THSD4: variants seen among roughly 807,000 people sequenced by gnomAD.
THSD4 encodes thrombospondin type-1 domain-containing protein 4.
In THSD4, 69 loss-of-function variants were observed where a neutral mutation model predicts 119.0. The ratio of observed to expected loss-of-function variants is 0.58; its 90% CI spans 0.48 to 0.71. The LOEUF is 0.71. THSD4 is among the 30% of genes least tolerant of loss of function. THSD4 has a pLI of 0.00. For missense variants in THSD4, 1,393 were observed against 1,391.1 expected, an observed-to-expected ratio of 1.00 and a Z score of -0.02; for synonymous variants, 524 against 540.4, an observed-to-expected ratio of 0.97 and a Z score of 0.42.
intron 7 of THSD4, among the ~76,000 whole-genome samples, chr15:71,508,822 TG>T (rs1198417818): frequency 1.3e-5 from 2 of 149,396 alleles, no homozygotes; most frequent in Admixed American, 6.6e-5. Context: ...AAAAATTCTG[TG>T]TAAGTTTTAA....
intron 7 of THSD4, among the ~76,000 whole-genome samples, chr15:71,632,199 C>T (rs1179069410): frequency 6.6e-6 from 1 of 152,212 alleles, no homozygotes. Context: ...GTTTCCTTCT[C>T]TTCCTTGGAA....
Position 71,309,484 on chromosome 15 carries a change from A to G in THSD4, c.1015+52769A>G, listed in dbSNP as rs558135933. Among the ~76,000 whole-genome samples, 6 of 152,342 alleles carry G rather than the reference A, an allele frequency of 3.9e-5. No homozygotes were observed. In the South Asian group the frequency reaches 1.2e-3, roughly 32 times the overall value. On this transcript the variant is annotated intron_variant, in intron 6 of 17. Coordinates refer to ENST00000261862, the MANE Select transcript of THSD4 (RefSeq NM_024817.3). ...TTCTTAATAGTGTCCTTTTAAGCAC[A>G]AAAGTTTTAAATTTTGATGAAGTCT... is the stretch of plus-strand genomic sequence containing the variant.
intron 7 of THSD4, among the ~76,000 whole-genome samples, chr15:71,554,268 G>C (rs575328334): frequency 2.0e-4 from 29 of 144,028 alleles, no homozygotes; most frequent in Non-Finnish European, 4.3e-4. Flanking sequence ...TTTTTTTTTT[G>C]TATTTTTTTA....
At chr15:71,460,308 T>TTG (rs1555416227) in intron 7 of THSD4, among the ~76,000 whole-genome samples, 1 of 148,600 alleles carries the variant, frequency 6.7e-6, no homozygotes, top group Non-Finnish European at 1.5e-5. Flanking sequence ...TTGCCTGGTT[T>TTG]TTTTTTTTTT....
intron 7 of THSD4, among the ~76,000 whole-genome samples, chr15:71,657,703 C>T (rs963754305): frequency 3.3e-5 from 5 of 152,084 alleles, no homozygotes; most frequent in African/African-American, 1.2e-4. Flanking sequence ...CTTGTGCAGC[C>T]GCATGCTTCA....
At chr15:71,564,961 T>C (rs1414749501) in intron 7 of THSD4, among the ~76,000 whole-genome samples, 2 of 152,016 alleles carry the variant, frequency 1.3e-5, no homozygotes, top group East Asian at 3.9e-4. Flanking sequence ...TAAGGAAGAC[T>C]ATCAATAGTA....
chr15:71,697,276 T>C (rs1366958208), intron 8 of THSD4, among the ~76,000 whole-genome samples: 1 of 151,638 alleles, frequency 6.6e-6, no homozygotes, highest in Non-Finnish European at 1.5e-5. Flanking sequence ...GATGATGTAA[T>C]GGAAAGGGGG....
intron 4 of THSD4, among the ~76,000 whole-genome samples, chr15:71,231,405 G>T (rs1596281296): frequency 6.6e-6 from 1 of 152,096 alleles, no homozygotes; most frequent in Admixed American, 6.6e-5. Context: ...TAGAGGCTTG[G>T]CTTCCTGGTG....
intron 14 of THSD4, among the ~76,000 whole-genome samples, chr15:71,750,130 A>G (rs1352140598): frequency 6.6e-6 from 1 of 152,110 alleles, no homozygotes; most frequent in African/African-American, 2.4e-5. Context: ...GAGCCCAGCC[A>G]TGTTCTTGGA....
At chr15:71,288,874 C>T (rs1441168086) in intron 6 of THSD4, among the ~76,000 whole-genome samples, 4 of 152,270 alleles carry the variant, frequency 2.6e-5, no homozygotes, top group South Asian at 4.2e-4. Flanking sequence ...CGGGGATCCA[C>T]GGTCTTCTGC....
chr15:71,118,039 G>A (rs1331201622), intron 1 of THSD4, among the ~76,000 whole-genome samples: 1 of 152,118 alleles, frequency 6.6e-6, no homozygotes, highest in Non-Finnish European at 1.5e-5. Context: ...CTGCATGGGA[G>A]GAGCTAGGGC....
At chr15:71,168,817 T>C (rs2043321947) in intron 3 of THSD4, among the ~76,000 whole-genome samples, 1 of 152,150 alleles carries the variant, frequency 6.6e-6, no homozygotes, top group Non-Finnish European at 1.5e-5. Flanking sequence ...AAAACTCAAA[T>C]TATTGCTGCT....
chr15:71,752,759 G>C (rs1397521186), intron 14 of THSD4, among the ~76,000 whole-genome samples: 1 of 152,218 alleles, frequency 6.6e-6, no homozygotes, highest in Non-Finnish European at 1.5e-5. Flanking sequence ...ACAGTGGGAA[G>C]GATTTCCTGT....
chr15:71,742,768 A>G (rs904020737), intron 11 of THSD4, among the ~76,000 whole-genome samples: 6 of 152,192 alleles, frequency 3.9e-5, no homozygotes, highest in African/African-American at 1.4e-4. Flanking sequence ...AGAGTTGTAG[A>G]TATGGGTCAG....
chr15:71,561,906 A>ACACT (rs2049126101), intron 7 of THSD4, among the ~76,000 whole-genome samples: 1 of 30,778 alleles, frequency 3.2e-5, no homozygotes, highest in Non-Finnish European at 7.0e-5. Context: ...ACACACACAC[A>ACACT]CACACACACA....
At chr15:71,134,490 TG>T (rs1315283963) in intron 1 of THSD4, among the ~76,000 whole-genome samples, 1 of 152,202 alleles carries the variant, frequency 6.6e-6, no homozygotes, top group Non-Finnish European at 1.5e-5. Flanking sequence ...AGAAATCACA[TG>T]GAGGCCCTGC....
At chr15:71,724,714 T>C (rs1325070922) in intron 8 of THSD4, among the ~76,000 whole-genome samples, 1 of 152,178 alleles carries the variant, frequency 6.6e-6, no homozygotes, top group Admixed American at 6.5e-5. Context: ...AGATATTTTA[T>C]TAGTCCAGAT....
intron 6 of THSD4, among the ~76,000 whole-genome samples, chr15:71,280,854 T>C (rs1596311923): frequency 6.6e-6 from 1 of 152,232 alleles, no homozygotes; most frequent in African/African-American, 2.4e-5. Flanking sequence ...TGGACTACAT[T>C]ACTGAAGGCT....
At chr15:71,481,297 A>G (rs1206033347) in intron 7 of THSD4, among the ~76,000 whole-genome samples, 4 of 152,230 alleles carry the variant, frequency 2.6e-5, no homozygotes, top group Non-Finnish European at 5.9e-5. Context: ...GAAAGTACTA[A>G]TAGCTACTTC....
Sources: allele counts gnomAD v4.1 joint callset (sites outside exome capture counted in the v4.1 genomes callset), GRCh38; gene constraint gnomAD v4.1.1; transcripts MANE v1.5; gene names NCBI Gene and HGNC (gene_info 2026-07-23, HGNC 2026-07-21).